RNF169: variants seen among roughly 807,000 people sequenced by gnomAD.
The protein encoded by RNF169 is ring finger protein 169, also known as E3 ubiquitin-protein ligase RNF169.
Under a neutral mutation model 53.9 loss-of-function variants are expected in RNF169, and 24 were observed. The observed-to-expected ratio is 0.45, with a 90% CI of 0.32 to 0.63. The LOEUF (loss-of-function observed/expected upper bound fraction) is 0.63, where lower values mean the gene tolerates loss of function less well. Among genes scored for constraint, RNF169 ranks in the 20% least tolerant of loss-of-function variants. RNF169 has a pLI of 0.04. For missense variants in RNF169, 883 were observed against 906.2 expected (o/e 0.97, Z 0.33); for synonymous variants, 396 against 363.5 (o/e 1.09, Z -1.02).
intron 2 of RNF169, among the ~76,000 whole-genome samples, chr11:74,798,230 A>G (rs1172823785): frequency 6.6e-6 from 1 of 152,262 alleles, no homozygotes. Flanking sequence ...CGGGTGGAAC[A>G]GAGTCATATT....
chr11:74,801,883 A>AC (rs1445736660), intron 2 of RNF169, among the ~76,000 whole-genome samples: 5 of 151,934 alleles, frequency 3.3e-5, no homozygotes, highest in Admixed American at 2.0e-4. Flanking sequence ...AGCTTGTGAA[A>AC]CCCCCCTTAG....
chr11:74,760,226 G>T (rs1326601376), intron 1 of RNF169, among the ~76,000 whole-genome samples: 2 of 151,860 alleles, frequency 1.3e-5, no homozygotes, highest in Admixed American at 1.3e-4. Context: ...TCTTGCTAGT[G>T]GTCTATCAAT....
chr11:74,828,598 C>G (rs1482494948), intron 4 of RNF169, among the ~76,000 whole-genome samples: 1 of 152,182 alleles, frequency 6.6e-6, no homozygotes, highest in Non-Finnish European at 1.5e-5. Context: ...TCAAACTATA[C>G]TACAATGCTA....
At chr11:74,814,399 T>TTC (rs2035916201) in intron 3 of RNF169, among the ~76,000 whole-genome samples, 1 of 143,410 alleles carries the variant, frequency 7.0e-6, no homozygotes, top group African/African-American at 2.8e-5. Context: ...TTTTTTTTTT[T>TTC]GAGACAGGGT....
At chr11:74,800,735 A>G (rs954719272) in intron 2 of RNF169, among the ~76,000 whole-genome samples, 2 of 152,344 alleles carry the variant, frequency 1.3e-5, no homozygotes, top group Middle Eastern at 3.4e-3. Flanking sequence ...AGTTACTGAT[A>G]TGAAACACAA....
chr11:74,836,239 G>A lies in RNF169; in HGVS notation c.1636G>A (p.Glu546Lys). The A allele has an allele frequency of 6.2e-7, 1 of 1,614,170 alleles. No homozygotes were observed. The highest frequency in any genetic ancestry group is 8.5e-7 in the Non-Finnish European group (1 of 1,180,016). Reference protein sequence around the residue: ...GGGSGTSLEREQFEGLGSTPD... With the variant: ...GGGSGTSLERKQFEGLGSTPD... ...AGGCAGTGGGACTTCTTTGGAGAGGGAGCAGTTTGAGGGGTTAGGGTCAAC... is the reference window on the plus strand; with the variant it reads ...AGGCAGTGGGACTTCTTTGGAGAGGAAGCAGTTTGAGGGGTTAGGGTCAAC... Residue 546 changes from glutamate to lysine, a missense_variant, in exon 6 of 6, where the codon GAG becomes AAG. Coordinates refer to ENST00000299563, the MANE Select transcript of RNF169 (RefSeq NM_001098638.2).
At chr11:74,835,455 C>T in intron 5 of RNF169, 91 bp from the exon 6 acceptor site, 1 of 972,622 alleles carries the variant, frequency 1.0e-6, no homozygotes, top group Non-Finnish European at 1.6e-6. Context: ...TTGTCCTCCC[C>T]TTCCCTGTGC....
chr11:74,815,125 T>C (rs970449476), intron 3 of RNF169, among the ~76,000 whole-genome samples: 6 of 152,222 alleles, frequency 3.9e-5, no homozygotes, highest in African/African-American at 1.4e-4. Context: ...TAGGAATCCA[T>C]AGTACCTTGG....
intron 2 of RNF169, among the ~76,000 whole-genome samples, chr11:74,808,664 A>T (rs1227159201): frequency 6.6e-6 from 1 of 152,264 alleles, no homozygotes; most frequent in Non-Finnish European, 1.5e-5. Context: ...CGTAGAGTTC[A>T]GTAAATGATA....
At chr11:74,804,040 C>A (rs1035918293) in intron 2 of RNF169, among the ~76,000 whole-genome samples, 1 of 152,280 alleles carries the variant, frequency 6.6e-6, no homozygotes. Flanking sequence ...GAAAAAAAAT[C>A]ACTTCTCAGC....
intron 1 of RNF169, among the ~76,000 whole-genome samples, chr11:74,758,766 A>C (rs1591386507): frequency 6.6e-6 from 1 of 152,250 alleles, no homozygotes; most frequent in African/African-American, 2.4e-5. Context: ...GGCCTCCCAA[A>C]GTGCTGGGAT....
chr11:74,749,456 G>A (rs372679094), intron 1 of RNF169, 74 bp downstream of exon 1: 8 of 1,144,324 alleles, frequency 7.0e-6, no homozygotes, highest in Non-Finnish European at 8.7e-6. Context: ...GTGAGGGGGT[G>A]GAGAGTCCCG....
intron 1 of RNF169, among the ~76,000 whole-genome samples, chr11:74,779,828 A>T (rs957063409): frequency 7.9e-5 from 12 of 152,022 alleles, no homozygotes; most frequent in Admixed American, 7.9e-4. Context: ...GGTTTAGTGG[A>T]TGGTATCAGC....
intron 1 of RNF169, among the ~76,000 whole-genome samples, chr11:74,758,889 T>G (rs1033374463): frequency 3.3e-5 from 5 of 149,322 alleles, no homozygotes; most frequent in African/African-American, 1.2e-4. Flanking sequence ...AATCTGTAAA[T>G]TACCTTGGGC....
At chr11:74,802,288 A>G (rs1420121507) in intron 2 of RNF169, among the ~76,000 whole-genome samples, 1 of 152,246 alleles carries the variant, frequency 6.6e-6, no homozygotes, top group Non-Finnish European at 1.5e-5. Context: ...AGCATGGAAC[A>G]GTCACCACAA....
intron 4 of RNF169, chr11:74,831,779 T>G (rs141250418): frequency 2.6e-5 from 4 of 151,100 alleles, no homozygotes; most frequent in Non-Finnish European, 5.9e-5. Flanking sequence ...CAAAACAATG[T>G]GGTACTGGAA....
chr11:74,798,157 G>C (rs1375295357), intron 2 of RNF169, among the ~76,000 whole-genome samples: 1 of 152,170 alleles, frequency 6.6e-6, no homozygotes, highest in Non-Finnish European at 1.5e-5. Context: ...CCTAAAAAAA[G>C]AACAAGATAA....
At chr11:74,759,974 G>C (rs1451729550) in intron 1 of RNF169, among the ~76,000 whole-genome samples, 2 of 150,966 alleles carry the variant, frequency 1.3e-5, no homozygotes, top group Non-Finnish European at 3.0e-5. Flanking sequence ...ATTGATTATT[G>C]CCACAATTTC....
rs1465409921 is a variant in RNF169 at position 74,841,185 on chromosome 11, G to A, written c.*4455G>A. The A allele has an allele frequency of 6.6e-6, 1 of 152,140 alleles. No homozygotes were observed. Among genetic ancestry groups the A allele is most frequent in the African/African-American group, 2.4e-5 (1 of 41,424 alleles). The allele number at this position is 152,140 out of a possible 1,614,324, so 9.4% of individuals were successfully genotyped here. A position where few individuals can be genotyped will look rare whatever the true frequency, so the allele number is the denominator to read the frequency against. On this transcript the variant is annotated 3_prime_UTR_variant, in exon 6 of 6. Transcript: ENST00000299563. ...CTTTAAAAATTGGAAACTCATTATG[G>A]TCTTAAATTGTCCTCAGGCAGCCTT...
Sources: allele counts gnomAD v4.1 joint callset (sites outside exome capture counted in the v4.1 genomes callset), GRCh38; gene constraint gnomAD v4.1.1; transcripts MANE v1.5; gene names NCBI Gene and HGNC (gene_info 2026-07-23, HGNC 2026-07-21).